Variants in FMNL2 observed in about 807,000 individuals in gnomAD.
FMNL2 encodes the protein formin-like protein 2.
In FMNL2, 51 loss-of-function variants were observed where a neutral mutation model predicts 130.2. The observed-to-expected ratio is 0.39, with a 90% CI of 0.31 to 0.49. The LOEUF (loss-of-function observed/expected upper bound fraction) is 0.49, where lower values mean the gene tolerates loss of function less well. FMNL2 is among the 20% of genes least tolerant of loss of function. The pLI is 0.85. For synonymous variants in FMNL2, 465 were observed against 467.1 expected, an observed-to-expected ratio of 1.00 and a Z score of 0.06; for missense variants, 977 against 1,316.2, an observed-to-expected ratio of 0.74 and a Z score of 3.99.
intron 2 of FMNL2, among the ~76,000 whole-genome samples, chr2:152,536,478 T>G (rs1036995064): frequency 7.9e-5 from 12 of 152,186 alleles, no homozygotes; most frequent in African/African-American, 2.9e-4. Context: ...TACTTCCAGC[T>G]TCCAGGAAGA....
At chr2:152,514,108 T>C (rs1692629010) in intron 1 of FMNL2, among the ~76,000 whole-genome samples, 1 of 152,202 alleles carries the variant, frequency 6.6e-6, no homozygotes, top group African/African-American at 2.4e-5. Flanking sequence ...TCAGCTGTTG[T>C]AATTTTCAAG....
At chr2:152,593,729 C>G (rs1697559632) in intron 9 of FMNL2, among the ~76,000 whole-genome samples, 1 of 150,998 alleles carries the variant, frequency 6.6e-6, no homozygotes, top group Non-Finnish European at 1.5e-5. Flanking sequence ...GAAAATAAAA[C>G]TTTTTTTTTA....
intron 2 of FMNL2, among the ~76,000 whole-genome samples, chr2:152,527,222 T>G (rs1693437610): frequency 6.6e-6 from 1 of 152,160 alleles, no homozygotes. Context: ...TGAACATCTT[T>G]GTGAAGAATA....
chr2:152,391,894 G>A (rs918853627), intron 1 of FMNL2, among the ~76,000 whole-genome samples: 2 of 136,408 alleles, frequency 1.5e-5, no homozygotes, highest in African/African-American at 2.6e-5. Context: ...ACAGAAGACT[G>A]GGAGCTAGAA....
intron 1 of FMNL2, among the ~76,000 whole-genome samples, chr2:152,468,535 G>T (rs1021606901): frequency 6.6e-6 from 1 of 151,912 alleles, no homozygotes; most frequent in Non-Finnish European, 1.5e-5. Flanking sequence ...ATTACAATGT[G>T]CTGTAAGTAA....
chr2:152,412,955 A>G (rs1241504894), intron 1 of FMNL2, among the ~76,000 whole-genome samples: 2 of 152,288 alleles, frequency 1.3e-5, no homozygotes, highest in East Asian at 1.9e-4. Context: ...TCATGGCTCA[A>G]CCTGTTGAAC....
At chr2:152,369,151 A>G (rs1249273535) in intron 1 of FMNL2, among the ~76,000 whole-genome samples, 1 of 152,232 alleles carries the variant, frequency 6.6e-6, no homozygotes, top group Non-Finnish European at 1.5e-5. Context: ...TTAAAGGAAG[A>G]ATGTTTGTGC....
At chr2:152,593,794 T>C (rs1445936625) in intron 9 of FMNL2, among the ~76,000 whole-genome samples, 2 of 145,462 alleles carry the variant, frequency 1.4e-5, no homozygotes, top group Non-Finnish European at 3.0e-5. Context: ...AGCTGTGCAA[T>C]GAAGGTAATG....
chr2:152,628,618 A>T lies in FMNL2; in HGVS notation c.2400+85A>T, dbSNP rs1681961464. The T allele has an allele frequency of 8.4e-6, 10 of 1,185,108 alleles. No homozygotes were observed. The East Asian group carries it at 2.3e-4, about 28-fold the overall frequency. The allele number at this position is 1,185,108 out of a possible 1,614,324, so 73.4% of individuals were successfully genotyped here. A position where few individuals can be genotyped will look rare whatever the true frequency, so the allele number is the denominator to read the frequency against. On this transcript the variant is annotated intron_variant, in intron 18 of 25. Transcript: ENST00000288670. ...TAAAGTCTCTCCCAGAATCGTACTC[A>T]GTGTGATGGGTTCTAAAGACTCCTT...
chr2:152,427,660 G>A (rs1419108572), intron 1 of FMNL2, among the ~76,000 whole-genome samples: 1 of 151,976 alleles, frequency 6.6e-6, no homozygotes, highest in Non-Finnish European at 1.5e-5. Context: ...AAGGTAATAT[G>A]TGAAATGAAA....
Position 152,636,898 on chromosome 2 carries a change from G to A in FMNL2, c.2844+308G>A, listed in dbSNP as rs184139803. Reference sequence around the variant, plus strand: ...GCCCACATGCGTCAGGCCTGTGCTCGGCAAAGCAGTGTTTCCTGTGTAGTG... The same window carrying A: ...GCCCACATGCGTCAGGCCTGTGCTCAGCAAAGCAGTGTTTCCTGTGTAGTG... On this transcript the variant is annotated intron_variant, in intron 22 of 25. Coordinates refer to ENST00000288670, the MANE Select transcript of FMNL2 (RefSeq NM_052905.4). Among the ~76,000 whole-genome samples the A allele has an allele frequency of 3.1e-3, 477 of 152,226 alleles. 2 individuals are homozygous for A. Among genetic ancestry groups the A allele is most frequent in the African/African-American group, 0.011 (447 of 41,506 alleles).
At chr2:152,437,663 G>A (rs1687837545) in intron 1 of FMNL2, among the ~76,000 whole-genome samples, 1 of 152,148 alleles carries the variant, frequency 6.6e-6, no homozygotes, top group South Asian at 2.1e-4. Context: ...CGGTTTGTGT[G>A]AAACTGAGAG....
At chr2:152,507,194 A>G (rs957546901) in intron 1 of FMNL2, among the ~76,000 whole-genome samples, 3 of 152,200 alleles carry the variant, frequency 2.0e-5, no homozygotes, top group African/African-American at 4.8e-5. Context: ...TTGGCACTCA[A>G]TTTGAGAACC....
At chr2:152,386,771 G>T (rs2105912944) in intron 1 of FMNL2, among the ~76,000 whole-genome samples, 1 of 152,158 alleles carries the variant, frequency 6.6e-6, no homozygotes, top group East Asian at 1.9e-4. Context: ...CTGTCTTTTG[G>T]CATCCCGCCT....
chr2:152,381,990 G>C (rs1684498890), intron 1 of FMNL2, among the ~76,000 whole-genome samples: 1 of 151,878 alleles, frequency 6.6e-6, no homozygotes, highest in Non-Finnish European at 1.5e-5. Flanking sequence ...GTAGAGATGG[G>C]GTTTCACCAT....
intron 1 of FMNL2, chr2:152,389,884 C>T (rs752394454): frequency 2.1e-5 from 21 of 1,021,414 alleles, no homozygotes; most frequent in South Asian, 5.4e-5. Context: ...ACAGAAGGCC[C>T]GGTGGGAGAA....
chr2:152,413,836 G>A (rs1370379002), intron 1 of FMNL2, among the ~76,000 whole-genome samples: 1 of 152,186 alleles, frequency 6.6e-6, no homozygotes, highest in Non-Finnish European at 1.5e-5. Flanking sequence ...GGATACCGAT[G>A]GACACAGCAC....
chr2:152,640,143 C>T (rs777032146), intron 24 of FMNL2, 87 bp downstream of exon 24: 57 of 1,129,136 alleles, frequency 5.0e-5, no homozygotes, highest in Non-Finnish European at 6.8e-5. Flanking sequence ...ACCAGCAAGC[C>T]AGGTGTGCCC....
At chr2:152,478,004 T>C (rs1369926298) in intron 1 of FMNL2, among the ~76,000 whole-genome samples, 1 of 151,916 alleles carries the variant, frequency 6.6e-6, no homozygotes, top group Non-Finnish European at 1.5e-5. Flanking sequence ...CTAAACACTA[T>C]TATTGATCAT....
Sources: allele counts gnomAD v4.1 joint callset (sites outside exome capture counted in the v4.1 genomes callset), GRCh38; gene constraint gnomAD v4.1.1; transcripts MANE v1.5; gene names NCBI Gene and HGNC (gene_info 2026-07-23, HGNC 2026-07-21).